LIMS1: variants seen among roughly 807,000 people sequenced by gnomAD.
LIMS1 encodes LIM and senescent cell antigen-like-containing domain protein 1.
Under a neutral mutation model 44.1 loss-of-function variants are expected in LIMS1, and 18 were observed. That is an observed-to-expected ratio of 0.41 (90% CI 0.28 to 0.61). The LOEUF (loss-of-function observed/expected upper bound fraction) is 0.61. Among genes scored for constraint, LIMS1 ranks in the 20% least tolerant of loss-of-function variants. The pLI is 0.32. For missense variants in LIMS1, 201 were observed against 422.0 expected (o/e 0.48, Z 4.59); for synonymous variants, 93 against 149.1 (o/e 0.62, Z 2.74).
intron 1 of LIMS1, among the ~76,000 whole-genome samples, chr2:108,558,100 C>T (rs1472340675): frequency 6.6e-6 from 1 of 152,106 alleles, no homozygotes; most frequent in Non-Finnish European, 1.5e-5. Context: ...ATGAGAATTC[C>T]TGTTACAGTA....
chr2:108,535,429 C>T (rs1164151681), intron 1 of LIMS1, among the ~76,000 whole-genome samples: 1 of 152,192 alleles, frequency 6.6e-6, no homozygotes, highest in Non-Finnish European at 1.5e-5. Context: ...GTCTGTCTTG[C>T]AGTTTGAATG....
chr2:108,642,399 G>A (rs1257567503), intron 1 of LIMS1, among the ~76,000 whole-genome samples: 3 of 134,048 alleles, frequency 2.2e-5, no homozygotes, highest in Admixed American at 1.5e-4. Context: ...TCGCTCTGTC[G>A]CCCAGGCTGG....
chr2:108,651,370 G>A (rs74757467), intron 1 of LIMS1, among the ~76,000 whole-genome samples: 5 of 121,028 alleles, frequency 4.1e-5, no homozygotes, highest in South Asian at 2.9e-4. Flanking sequence ...TCTTTTCTTC[G>A]TTCAGAACGT....
chr2:108,605,480 A>T (rs1687222422), intron 1 of LIMS1, among the ~76,000 whole-genome samples: 1 of 152,238 alleles, frequency 6.6e-6, no homozygotes, highest in African/African-American at 2.4e-5. Flanking sequence ...CTAATTTTTT[A>T]TAAAATTTTT....
intron 1 of LIMS1, among the ~76,000 whole-genome samples, chr2:108,625,038 C>G (rs984911372): frequency 6.6e-6 from 1 of 152,184 alleles, no homozygotes; most frequent in African/African-American, 2.4e-5. Context: ...GAGATCACGC[C>G]GTTGCACTGC....
At chr2:108,542,770 C>T (rs1392973546) in intron 1 of LIMS1, among the ~76,000 whole-genome samples, 1 of 152,162 alleles carries the variant, frequency 6.6e-6, no homozygotes, top group Non-Finnish European at 1.5e-5. Flanking sequence ...ACTCAAGTCC[C>T]AGCTTAAACT....
At chr2:108,589,530 T>C (rs1686273822) in intron 1 of LIMS1, among the ~76,000 whole-genome samples, 1 of 152,206 alleles carries the variant, frequency 6.6e-6, no homozygotes, top group Non-Finnish European at 1.5e-5. Context: ...CTGATCTTTG[T>C]TATTTCCTTC....
intron 1 of LIMS1, among the ~76,000 whole-genome samples, chr2:108,610,792 A>G (rs1328522957): frequency 2.0e-5 from 3 of 152,238 alleles, no homozygotes; most frequent in Non-Finnish European, 4.4e-5. Context: ...TTTTTCCTCC[A>G]GTCATTGACA....
intron 1 of LIMS1, among the ~76,000 whole-genome samples, chr2:108,570,775 C>T (rs570435396): frequency 2.0e-5 from 3 of 152,178 alleles, no homozygotes; most frequent in South Asian, 4.1e-4. Context: ...TTGTGAGCAG[C>T]GACCTTGAGG....
intron 1 of LIMS1, among the ~76,000 whole-genome samples, chr2:108,610,160 G>A (rs1012667825): frequency 3.4e-5 from 2 of 59,448 alleles, no homozygotes; most frequent in Non-Finnish European, 8.2e-5. Context: ...GTGTGTGTGT[G>A]TGTGTGTGTG....
intron 1 of LIMS1, among the ~76,000 whole-genome samples, chr2:108,578,330 G>T (rs1224738825): frequency 6.6e-6 from 1 of 152,148 alleles, no homozygotes; most frequent in Admixed American, 6.5e-5. Context: ...TATATGTAAA[G>T]ATGTGTTTCA....
intron 1 of LIMS1, among the ~76,000 whole-genome samples, chr2:108,540,954 G>A (rs1358245640): frequency 1.3e-5 from 2 of 152,192 alleles, no homozygotes; most frequent in African/African-American, 4.8e-5. Flanking sequence ...ATACCTTGAG[G>A]ACCAAGACCT....
At chr2:108,594,658 G>A (rs1288196110) in intron 1 of LIMS1, among the ~76,000 whole-genome samples, 1 of 152,038 alleles carries the variant, frequency 6.6e-6, no homozygotes, top group East Asian at 1.9e-4. Context: ...TTTTCTAGTA[G>A]CCATTTAAAA....
intron 1 of LIMS1, among the ~76,000 whole-genome samples, chr2:108,554,826 C>T (rs536695155): frequency 6.6e-6 from 1 of 152,270 alleles, no homozygotes; most frequent in East Asian, 1.9e-4. Flanking sequence ...TGTTGAATAG[C>T]TCCTGTGTGC....
At chr2:108,604,181 C>T (rs1687151952) in intron 1 of LIMS1, among the ~76,000 whole-genome samples, 1 of 152,038 alleles carries the variant, frequency 6.6e-6, no homozygotes, top group Admixed American at 6.6e-5. Flanking sequence ...ATTCTGGCCT[C>T]CTATTTTTTT....
intron 1 of LIMS1, 32 bp downstream of exon 1, chr2:108,534,626 T>TCCGCCCCGC (rs1195999850): frequency 9.1e-7 from 1 of 1,102,716 alleles, no homozygotes; most frequent in Non-Finnish European, 1.1e-6. Context: ...CCCCGCCACG[T>TCCGCCCCGC]CCGCCCCGCA....
At chr2:108,639,301 AG>A (rs1409486055) in intron 1 of LIMS1, among the ~76,000 whole-genome samples, 1 of 152,224 alleles carries the variant, frequency 6.6e-6, no homozygotes, top group Non-Finnish European at 1.5e-5. Context: ...GAGAAAAAAA[AG>A]GGACAGTGGT....
intron 1 of LIMS1, among the ~76,000 whole-genome samples, chr2:108,594,601 T>G (rs1369105911): frequency 6.6e-6 from 1 of 152,164 alleles, no homozygotes; most frequent in Non-Finnish European, 1.5e-5. Context: ...TCTAGAATGG[T>G]GCTATCCTGT....
At chr2:108,635,273 C>G (rs1689161741) in intron 1 of LIMS1, among the ~76,000 whole-genome samples, 1 of 151,618 alleles carries the variant, frequency 6.6e-6, no homozygotes. Context: ...TCTAAAAATA[C>G]AAAAATTAGC....
Sources: gnomAD v4.1 joint callset for allele counts (sites outside exome capture counted in the v4.1 genomes callset) on GRCh38, gnomAD v4.1.1 for gene constraint, MANE v1.5 for transcripts, NCBI Gene and HGNC (gene_info 2026-07-23, HGNC 2026-07-21) for gene names.